Variants in CFAP61 observed in about 807,000 individuals in gnomAD.
CFAP61 encodes cilia and flagella associated protein 61, also known as cilia- and flagella-associated protein 61.
A neutral mutation model predicts 135.6 loss-of-function variants in CFAP61; 107 were observed. That is an observed-to-expected ratio of 0.79 (90% CI 0.67 to 0.93). The LOEUF (loss-of-function observed/expected upper bound fraction) is 0.93, where lower values mean the gene tolerates loss of function less well. Among genes scored for constraint, CFAP61 ranks in the 40% least tolerant of loss-of-function variants. The pLI is 0.00. For synonymous variants in CFAP61, 575 were observed against 578.5 expected (o/e 0.99, Z 0.09); for missense variants, 1,507 against 1,556.2 (o/e 0.97, Z 0.53).
intron 24 of CFAP61, among the ~76,000 whole-genome samples, chr20:20,292,119 A>G (rs750798919): frequency 2.6e-5 from 4 of 152,188 alleles, no homozygotes; most frequent in Non-Finnish European, 2.9e-5. Context: ...GGAAATCTCA[A>G]TCCTATTCCA....
At chr20:20,236,199 G>A (rs2049578214) in intron 18 of CFAP61, among the ~76,000 whole-genome samples, 1 of 152,152 alleles carries the variant, frequency 6.6e-6, no homozygotes, top group Admixed American at 6.5e-5. Context: ...ACTTGGATAG[G>A]GATGGGGAGG....
At chr20:20,092,965 TCCA>T (rs1194174957) in intron 7 of CFAP61, among the ~76,000 whole-genome samples, 1 of 152,184 alleles carries the variant, frequency 6.6e-6, no homozygotes, top group Non-Finnish European at 1.5e-5. Flanking sequence ...ACCCAGCAAT[TCCA>T]TACACAGAAT....
intron 17 of CFAP61, among the ~76,000 whole-genome samples, chr20:20,217,025 A>T (rs1160503487): frequency 6.6e-6 from 1 of 152,126 alleles, no homozygotes; most frequent in African/African-American, 2.4e-5. Flanking sequence ...ATTTCTATTT[A>T]AAAAGAAGGT....
intron 25 of CFAP61, chr20:20,316,613 G>A (rs1766971421): frequency 6.6e-6 from 1 of 151,674 alleles, no homozygotes; most frequent in African/African-American, 2.4e-5. Flanking sequence ...TCCCTGTCTT[G>A]TGCCAGTTTT....
chr20:20,089,581 A>G (rs978887958), intron 6 of CFAP61, among the ~76,000 whole-genome samples: 2 of 102,396 alleles, frequency 2.0e-5, no homozygotes, highest in African/African-American at 6.7e-5. Context: ...CAGAAAGAGT[A>G]TCAGAGAAAA....
chr20:20,261,267 A>C (rs1297211640), intron 20 of CFAP61, among the ~76,000 whole-genome samples: 1 of 152,222 alleles, frequency 6.6e-6, no homozygotes, highest in South Asian at 2.1e-4. Flanking sequence ...TGTATAACCA[A>C]AAGTTTCCTG....
At chr20:20,276,743 A>G (rs2053793190) in intron 21 of CFAP61, among the ~76,000 whole-genome samples, 1 of 152,234 alleles carries the variant, frequency 6.6e-6, no homozygotes, top group Admixed American at 6.5e-5. Context: ...TTTAAATATT[A>G]AAATATCAGT....
At chr20:20,092,412 C>T (rs1169975949) in intron 7 of CFAP61, among the ~76,000 whole-genome samples, 1 of 152,184 alleles carries the variant, frequency 6.6e-6, no homozygotes, top group African/African-American at 2.4e-5. Context: ...ACTCATTTCT[C>T]ATTATTTGTT....
At chr20:20,149,973 T>C (rs144012950) in intron 9 of CFAP61, among the ~76,000 whole-genome samples, 101 of 152,200 alleles carry the variant, frequency 6.6e-4, no homozygotes, top group Middle Eastern at 3.4e-3. Context: ...GAGAAACTTA[T>C]AGCATGGGGC....
At chr20:20,333,623 GT>G (rs1265983268) in intron 25 of CFAP61, among the ~76,000 whole-genome samples, 1 of 152,156 alleles carries the variant, frequency 6.6e-6, no homozygotes, top group African/African-American at 2.4e-5. Flanking sequence ...GGCTAGATTC[GT>G]AATTCATGAA....
chr20:20,290,398 A>G lies in CFAP61; in HGVS notation c.3216+7A>G. ...AATGGCACAGCCTAATTATGTAAGT[A>G]TTATTTCTGAATTTCATTTTACTTT... On this transcript the variant is annotated splice_region_variant and intron_variant, in intron 24 of 26. Transcript: ENST00000245957. 1 of 1,550,814 alleles carries G rather than the reference A, an allele frequency of 6.4e-7. No individual in the cohort carries two copies. The highest frequency in any genetic ancestry group is 8.9e-7 in the Non-Finnish European group (1 of 1,123,328).
intron 15 of CFAP61, among the ~76,000 whole-genome samples, chr20:20,194,043 G>A (rs578260628): frequency 6.6e-6 from 1 of 152,232 alleles, no homozygotes; most frequent in Admixed American, 6.5e-5. Context: ...TCCTTCTTGA[G>A]AATTAAATTT....
chr20:20,309,730 A>G (rs115713651), intron 25 of CFAP61, among the ~76,000 whole-genome samples: 1,892 of 152,320 alleles, frequency 0.012, 44 homozygotes, highest in African/African-American at 0.043. Flanking sequence ...TATGTTTGGG[A>G]CAGGAGAATA....
intron 26 of CFAP61, 106 bp from the exon 27 acceptor site, chr20:20,360,104 A>G (rs544760982): frequency 6.2e-6 from 5 of 809,486 alleles, no homozygotes; most frequent in Non-Finnish European, 1.0e-5. Flanking sequence ...AAAAATGACC[A>G]TCCTTGCAGA....
chr20:20,238,475 T>C (rs1272959511), intron 18 of CFAP61, among the ~76,000 whole-genome samples: 1 of 152,266 alleles, frequency 6.6e-6, no homozygotes, highest in African/African-American at 2.4e-5. Context: ...ATTTTTTCTC[T>C]ACATTATCTA....
chr20:20,123,240 C>T (rs955590474), intron 8 of CFAP61, among the ~76,000 whole-genome samples: 4 of 151,586 alleles, frequency 2.6e-5, no homozygotes, highest in Admixed American at 6.6e-5. Context: ...TTCTGCTAAC[C>T]GTTCCTTTTG....
At chr20:20,262,817 T>TAAAATTTGATTGATTG in intron 20 of CFAP61, 139 bp from the exon 21 acceptor site, 1 of 420,616 alleles carries the variant, frequency 2.4e-6, no homozygotes, top group Non-Finnish European at 4.1e-6. Flanking sequence ...TTTTTTTTTT[T>TAAAATTTGATTGATTG]TCAATTAAAA....
chr20:20,251,526 C>A, intron 19 of CFAP61, 69 bp from the exon 20 acceptor site: 1 of 1,499,616 alleles, frequency 6.7e-7, no homozygotes, highest in Non-Finnish European at 9.2e-7. Context: ...TGAACCAGCT[C>A]ACCAGATGTC....
At chr20:20,176,830 C>G (rs936978231) in intron 13 of CFAP61, among the ~76,000 whole-genome samples, 1 of 152,010 alleles carries the variant, frequency 6.6e-6, no homozygotes, top group South Asian at 2.1e-4. Flanking sequence ...CACTATGTAA[C>G]GTATATTTGT....
Sources: allele counts gnomAD v4.1 joint callset (sites outside exome capture counted in the v4.1 genomes callset), GRCh38; gene constraint gnomAD v4.1.1; transcripts MANE v1.5; gene names NCBI Gene and HGNC (gene_info 2026-07-23, HGNC 2026-07-21).